The following DIAPH1 variants were observed in gnomAD, a reference collection of about 807,000 sequenced individuals.
DIAPH1 encodes protein diaphanous homolog 1.
A neutral mutation model predicts 140.7 loss-of-function variants in DIAPH1; 46 were observed. The ratio of observed to expected loss-of-function variants is 0.33; its 90% CI spans 0.26 to 0.42. The LOEUF (loss-of-function observed/expected upper bound fraction) is 0.42, where lower values mean the gene tolerates loss of function less well. DIAPH1 is among the 10% of genes least tolerant of loss of function. The probability of loss-of-function intolerance (pLI) is 1.00; values close to 1 mark genes in which losing one functional copy is unlikely to be tolerated. For missense variants in DIAPH1, 1,310 were observed against 1,558.7 expected, an observed-to-expected ratio of 0.84 and a Z score of 2.69; for synonymous variants, 565 against 551.6, an observed-to-expected ratio of 1.02 and a Z score of -0.34.
intron 27 of DIAPH1, among the ~76,000 whole-genome samples, chr5:141,521,258 T>C (rs939575509): frequency 6.6e-6 from 1 of 152,016 alleles, no homozygotes; most frequent in Non-Finnish European, 1.5e-5. Flanking sequence ...AAAGGAAGAG[T>C]TGAATTTCTT....
At chr5:141,525,682 T>C (rs2099887228) in intron 26 of DIAPH1, among the ~76,000 whole-genome samples, 1 of 151,958 alleles carries the variant, frequency 6.6e-6, no homozygotes, top group Non-Finnish European at 1.5e-5. Context: ...CAGGAAAATA[T>C]TTTACAGAAA....
intron 1 of DIAPH1, among the ~76,000 whole-genome samples, chr5:141,610,550 T>C (rs1365466274): frequency 6.6e-6 from 1 of 151,862 alleles, no homozygotes; most frequent in African/African-American, 2.4e-5. Context: ...CCGCCCACCC[T>C]GACCTCCCAA....
In DIAPH1 at chr5:141,576,271, C is replaced by T. The variant is rs1477410146; in HGVS notation, c.1420G>A (p.Val474Met). ...LIDQMIDKTKVEKSEAKAAEL... is the reference protein window; with the variant it reads ...LIDQMIDKTKMEKSEAKAAEL... ...GCAGCTTTGGCTTCAGATTTCTCCA[C>T]CTTTGTCTTATCAATCATTTGATCT... Residue 474 changes from valine (V) to methionine (M), a missense_variant, in exon 14 of 28, where the codon GTG becomes ATG. Val to Met is a conservative substitution (Grantham distance 21). This residue lies in a region of DIAPH1 where 589 missense variants were observed against 549.3 expected (regional missense o/e 1.07). Coordinates refer to ENST00000389054, the MANE Select transcript of DIAPH1 (RefSeq NM_005219.5). 1.9e-6 allele frequency: 3 copies of T among 1,614,044 alleles called. No individual in the cohort carries two copies. Among genetic ancestry groups the T allele is most frequent in the East Asian group, 2.2e-5 (1 of 44,876 alleles).
intron 18 of DIAPH1, among the ~76,000 whole-genome samples, chr5:141,546,439 C>T (rs1372495393): frequency 2.0e-5 from 3 of 151,900 alleles, no homozygotes; most frequent in African/African-American, 2.4e-5. Context: ...AGGTGGATCA[C>T]GAGGTCAGGA....
At chr5:141,548,077 T>C (rs1187724342) in intron 18 of DIAPH1, among the ~76,000 whole-genome samples, 1 of 151,946 alleles carries the variant, frequency 6.6e-6, no homozygotes, top group Admixed American at 6.6e-5. Flanking sequence ...TGCACGCTTG[T>C]AGTCCTAGCT....
At chr5:141,533,693 A>G (rs963711639) in intron 19 of DIAPH1, among the ~76,000 whole-genome samples, 2 of 152,130 alleles carry the variant, frequency 1.3e-5, no homozygotes, top group African/African-American at 4.8e-5. Flanking sequence ...TTTATTTAAT[A>G]AAAAAGCAAA....
At chr5:141,517,166 T>G (rs780166685) in intron 27 of DIAPH1, among the ~76,000 whole-genome samples, 158 bp from the exon 28 acceptor site, 4 of 152,132 alleles carry the variant, frequency 2.6e-5, no homozygotes, top group Non-Finnish European at 5.9e-5. Flanking sequence ...ATCCAGCATG[T>G]GGAATATATT....
intron 1 of DIAPH1, among the ~76,000 whole-genome samples, chr5:141,595,992 T>C (rs2099899257): frequency 6.6e-6 from 1 of 152,074 alleles, no homozygotes; most frequent in Non-Finnish European, 1.5e-5. Context: ...GAGACCAGCC[T>C]GGGCAACATG....
At chr5:141,606,423 C>T (rs1205274839) in intron 1 of DIAPH1, among the ~76,000 whole-genome samples, 1 of 152,136 alleles carries the variant, frequency 6.6e-6, no homozygotes, top group African/African-American at 2.4e-5. Context: ...GAGACAGAGT[C>T]TCGCTCTGTC....
Position 141,528,559 on chromosome 5 carries a change from A to G in DIAPH1, c.3042T>C (p.Asp1014=). 1 of 1,614,216 alleles carries G rather than the reference A, an allele frequency of 6.2e-7. No individual in the cohort carries two copies. Among genetic ancestry groups the G allele is most frequent in the East Asian group, 2.2e-5 (1 of 44,866 alleles). ...LCKLRDTKST[D]QKMTLLHFLA... ...AGAAGTGTAACAACGTCATCTTCTGATCTGTGGACTTGGTGTCTCGAAGCT... is the reference window on the plus strand; with the variant it reads ...AGAAGTGTAACAACGTCATCTTCTGGTCTGTGGACTTGGTGTCTCGAAGCT... The change falls in exon 23 of 28, where the codon GAT becomes GAC. Residue 1014 remains aspartate (D), a synonymous_variant. Transcript: ENST00000389054.
intron 1 of DIAPH1, among the ~76,000 whole-genome samples, chr5:141,591,718 A>G (rs1413297371): frequency 7.4e-6 from 1 of 135,452 alleles, no homozygotes; most frequent in Non-Finnish European, 1.6e-5. Context: ...ATATATATAT[A>G]TATATATATG....
chr5:141,598,465 T>C (rs1057180250), intron 1 of DIAPH1, among the ~76,000 whole-genome samples: 4 of 152,168 alleles, frequency 2.6e-5, no homozygotes, highest in African/African-American at 7.2e-5. Flanking sequence ...AAAGGTACAG[T>C]ACATCAAAAA....
chr5:141,588,602 C>A (rs1347851648), intron 1 of DIAPH1, among the ~76,000 whole-genome samples: 1 of 151,894 alleles, frequency 6.6e-6, no homozygotes, highest in East Asian at 1.9e-4. Context: ...AGTGAGATAT[C>A]AATTCACACT....
chr5:141,616,239 TCAGA>T (rs2099902657), intron 1 of DIAPH1, among the ~76,000 whole-genome samples: 1 of 152,206 alleles, frequency 6.6e-6, no homozygotes, highest in South Asian at 2.1e-4. Context: ...AGAGCAGATC[TCAGA>T]CAATTTGTGA....
chr5:141,526,702 G>GTT lies in DIAPH1; in HGVS notation c.3274-242_3274-241insAA, dbSNP rs533197238. 9.5e-3 allele frequency among the ~76,000 whole-genome samples: 1,396 copies of GTT among 146,400 alleles called. 26 individuals carry two copies. The highest frequency in any genetic ancestry group is 0.033 in the African/African-American group (1,327 of 40,408). On this transcript the variant is annotated intron_variant, in intron 24 of 27. Transcript: ENST00000389054. ...TAAACTGTTGTTTGTTTGTTTGTTT[G>GTT]TGTTTGTTTGTTTGAGACAGGGTTT...
chr5:141,519,916 C>T (rs1209612443), intron 27 of DIAPH1, among the ~76,000 whole-genome samples: 1 of 152,150 alleles, frequency 6.6e-6, no homozygotes, highest in Non-Finnish European at 1.5e-5. Flanking sequence ...TACAAGAGAA[C>T]AGTCCCACAG....
chr5:141,594,273 A>G (rs2099898955), intron 1 of DIAPH1, among the ~76,000 whole-genome samples: 1 of 152,246 alleles, frequency 6.6e-6, no homozygotes, highest in South Asian at 2.1e-4. Flanking sequence ...AAAAACCTGC[A>G]GAGAAATGTT....
Position 141,524,198 on chromosome 5 carries a change from A to G in DIAPH1, c.3606T>C (p.Leu1202=). 1 of 1,614,138 alleles carries G rather than the reference A, an allele frequency of 6.2e-7. No homozygotes were observed. The change falls in exon 27 of 28, where the codon CTT becomes CTC. Residue 1202 remains leucine (L), a synonymous_variant. Coordinates refer to ENST00000389054, the MANE Select transcript of DIAPH1 (RefSeq NM_005219.5). ...EGDETGVMDS[L]LEALQSGAAF... is the part of the protein sequence containing the mutation. The stretch of plus-strand genomic sequence containing the variant: ...CTGCCCCTGACTGCAGGGCTTCTAG[A>G]AGACTGTCCATCACACCTGTCTCAT...
intron 1 of DIAPH1, 85 bp downstream of exon 1, chr5:141,618,713 C>G (rs2154597556): frequency 1.0e-6 from 1 of 992,908 alleles, no homozygotes; most frequent in East Asian, 3.0e-5. Context: ...CTCCCCAAAG[C>G]CGGGCAGGCG....
Sources: allele counts gnomAD v4.1 joint callset (sites outside exome capture counted in the v4.1 genomes callset), GRCh38; gene constraint gnomAD v4.1.1; regional missense constraint gnomAD v4.1.1; transcripts MANE v1.5; gene names NCBI Gene and HGNC (gene_info 2026-07-23, HGNC 2026-07-21).